SNX6: variants seen among roughly 807,000 people sequenced by gnomAD.
SNX6 encodes sorting nexin-6.
A neutral mutation model predicts 63.0 loss-of-function variants in SNX6; 34 were observed. That is an observed-to-expected ratio of 0.54 (90% confidence interval 0.41 to 0.72). The LOEUF (loss-of-function observed/expected upper bound fraction) is 0.72. Ranked by LOEUF, SNX6 falls within the 30% of genes least tolerant of loss-of-function variation. The pLI is 0.00. For synonymous variants in SNX6, 170 were observed against 164.2 expected, an observed-to-expected ratio of 1.04 and a Z score of -0.27; for missense variants, 398 against 471.4, an observed-to-expected ratio of 0.84 and a Z score of 1.44.
intron 9 of SNX6, 53 bp downstream of exon 9, chr14:34,586,177 A>C: frequency 8.6e-7 from 1 of 1,161,360 alleles, no homozygotes; most frequent in South Asian, 1.3e-5. Context: ...CTGGGATTAC[A>C]GGCGTGAGCC....
At chr14:34,566,737 CAAG>C (rs1881199671) in intron 13 of SNX6, among the ~76,000 whole-genome samples, 1 of 152,062 alleles carries the variant, frequency 6.6e-6, no homozygotes, top group African/African-American at 2.4e-5. Flanking sequence ...CTATTAACTA[CAAG>C]AAGAGGCTTA....
At chr14:34,629,593 G>A in intron 2 of SNX6, 3 of 628,818 alleles carry the variant, frequency 4.8e-6, no homozygotes, top group South Asian at 4.5e-5. Context: ...GAGGGTGGGG[G>A]CGTTCCATCT....
chr14:34,585,082 C>G (rs1220333905), intron 9 of SNX6, among the ~76,000 whole-genome samples: 3 of 152,098 alleles, frequency 2.0e-5, no homozygotes, highest in African/African-American at 7.2e-5. Flanking sequence ...AAACTCCCGA[C>G]CTGAGGTGTT....
At chr14:34,629,753 G>T in intron 2 of SNX6, 154 bp downstream of exon 2, 1 of 1,241,324 alleles carries the variant, frequency 8.1e-7, no homozygotes, top group Non-Finnish European at 1.1e-6. Context: ...AAGGGCTGCG[G>T]GAGGGTGGGG....
intron 5 of SNX6, chr14:34,604,190 T>C: frequency 7.8e-7 from 1 of 1,288,608 alleles, no homozygotes; most frequent in Non-Finnish European, 1.0e-6. Flanking sequence ...AGGGTAGTCA[T>C]TCAGTGAAGA....
intron 6 of SNX6, among the ~76,000 whole-genome samples, chr14:34,601,308 C>G (rs953092031): frequency 6.6e-6 from 1 of 151,726 alleles, no homozygotes; most frequent in Non-Finnish European, 1.5e-5. Flanking sequence ...TCACTGCAAC[C>G]TCCGCCTCCC....
intron 11 of SNX6, among the ~76,000 whole-genome samples, chr14:34,573,665 G>C (rs975290259): frequency 1.3e-5 from 2 of 151,320 alleles, no homozygotes; most frequent in Admixed American, 1.3e-4. Flanking sequence ...TCGAGACGGA[G>C]TCTCGCTTTG....
intron 2 of SNX6, among the ~76,000 whole-genome samples, chr14:34,628,143 A>G (rs77959837): frequency 1.1e-4 from 16 of 151,990 alleles, no homozygotes; most frequent in African/African-American, 3.6e-4. Context: ...TGGCCTGGGC[A>G]ACATGGTGAG....
At chr14:34,577,745 G>A (rs1192930912) in intron 10 of SNX6, among the ~76,000 whole-genome samples, 14 of 152,036 alleles carry the variant, frequency 9.2e-5, no homozygotes, top group Admixed American at 8.5e-4. Context: ...AGACAATTGG[G>A]AAAATGTACA....
intron 8 of SNX6, 110 bp downstream of exon 8, chr14:34,592,935 C>G: frequency 2.6e-6 from 2 of 765,072 alleles, no homozygotes; most frequent in Non-Finnish European, 4.3e-6. Flanking sequence ...TAGGCTCCAA[C>G]AGACCAGTTT....
chr14:34,602,975 CAAAA>C (rs755501321), intron 6 of SNX6, among the ~76,000 whole-genome samples: 3 of 92,264 alleles, frequency 3.3e-5, no homozygotes, highest in African/African-American at 7.8e-5. Flanking sequence ...GACTCCGTCT[CAAAA>C]AAAAAAAAAA....
intron 10 of SNX6, among the ~76,000 whole-genome samples, chr14:34,579,403 G>C (rs781212739): frequency 1.3e-5 from 2 of 152,008 alleles, no homozygotes; most frequent in Non-Finnish European, 2.9e-5. Flanking sequence ...TATCAAAAGA[G>C]GCCAGGAGTT....
chr14:34,591,249 G>A (rs887631483), intron 8 of SNX6, among the ~76,000 whole-genome samples: 3 of 151,384 alleles, frequency 2.0e-5, no homozygotes, highest in Admixed American at 6.6e-5. Flanking sequence ...AACCCTCACT[G>A]GTCTATTTTG....
chr14:34,618,265 C>G (rs1372077505), intron 2 of SNX6, among the ~76,000 whole-genome samples: 3 of 152,156 alleles, frequency 2.0e-5, no homozygotes, highest in African/African-American at 7.2e-5. Context: ...GAATACCTTA[C>G]AGTGGCCTAC....
intron 2 of SNX6, among the ~76,000 whole-genome samples, chr14:34,629,142 A>C (rs530677138): frequency 7.9e-5 from 12 of 151,810 alleles, no homozygotes; most frequent in South Asian, 6.3e-4. Context: ...TTCTCACACA[A>C]AAAAAAATGG....
chr14:34,596,618 C>T (rs1221528246), intron 7 of SNX6, among the ~76,000 whole-genome samples: 18 of 110,432 alleles, frequency 1.6e-4, no homozygotes, highest in African/African-American at 5.1e-4. Context: ...GACTCTATCT[C>T]AGGAAAAAAA....
At position 34,584,808 on chromosome 14, in the gene SNX6, T is replaced by C. The variant is rs555348756; in HGVS notation, c.794+1422A>G. Reference sequence around the variant, plus strand: ...ATTTTTATTTCTCAGATTTAAAAAATAGGACAGAAAGGGAGAAGAAAAAAT... The same window carrying C: ...ATTTTTATTTCTCAGATTTAAAAAACAGGACAGAAAGGGAGAAGAAAAAAT... On this transcript the variant is annotated intron_variant, in intron 9 of 13. Transcript: ENST00000362031. Among the ~76,000 whole-genome samples, 123 of 151,970 alleles carry C rather than the reference T, an allele frequency of 8.1e-4. 1 individual carries two copies. The highest frequency in any genetic ancestry group is 2.5e-3 in the African/African-American group (102 of 41,474).
chr14:34,593,256 C>T, intron 7 of SNX6, 106 bp from the exon 8 acceptor site: 2 of 662,196 alleles, frequency 3.0e-6, no homozygotes, highest in Middle Eastern at 4.2e-4. Context: ...AAATAGCATA[C>T]CTATCCTCAG....
chr14:34,622,215 G>C (rs933009458), intron 2 of SNX6, among the ~76,000 whole-genome samples: 5 of 148,116 alleles, frequency 3.4e-5, no homozygotes, highest in Non-Finnish European at 7.5e-5. Context: ...GCCCACCTCG[G>C]CCTCCCATAG....
Sources: allele counts gnomAD v4.1 joint callset (sites outside exome capture counted in the v4.1 genomes callset), GRCh38; gene constraint gnomAD v4.1.1; transcripts MANE v1.5; gene names NCBI Gene and HGNC (gene_info 2026-07-23, HGNC 2026-07-21).